The following CHST3 variants were observed in gnomAD, a reference collection of about 807,000 sequenced individuals.
CHST3 encodes the protein C6ST-1.
A neutral mutation model predicts 35.4 loss-of-function variants in CHST3; 20 were observed. The observed-to-expected ratio is 0.57, with a 90% confidence interval of 0.40 to 0.82. The LOEUF is 0.82. Among genes scored for constraint, CHST3 ranks in the 40% least tolerant of loss-of-function variants. CHST3 has a pLI of 0.00. For missense variants in CHST3, 693 were observed against 670.1 expected, an observed-to-expected ratio of 1.03 and a Z score of -0.38; for synonymous variants, 334 against 295.9, an observed-to-expected ratio of 1.13 and a Z score of -1.32.
chr10:71,986,084 A>G (rs1839844824), intron 1 of CHST3, among the ~76,000 whole-genome samples: 1 of 152,240 alleles, frequency 6.6e-6, no homozygotes, highest in South Asian at 2.1e-4. Flanking sequence ...TAGGTAAAAC[A>G]AGGGACACAG....
intron 1 of CHST3, among the ~76,000 whole-genome samples, chr10:71,984,270 G>A (rs1292639335): frequency 2.6e-5 from 4 of 152,292 alleles, no homozygotes; most frequent in Middle Eastern, 3.4e-3. Flanking sequence ...TGATCTGCCC[G>A]CCTCAGCCTC....
At chr10:72,001,108 G>A (rs1449469740) in intron 1 of CHST3, among the ~76,000 whole-genome samples, 2 of 152,178 alleles carry the variant, frequency 1.3e-5, no homozygotes, top group Admixed American at 1.3e-4. Flanking sequence ...ATCGTAGGTG[G>A]GATAGGAGTC....
intron 1 of CHST3, among the ~76,000 whole-genome samples, chr10:71,995,813 G>A (rs1839933440): frequency 6.6e-6 from 1 of 152,068 alleles, no homozygotes; most frequent in Non-Finnish European, 1.5e-5. Flanking sequence ...AACAATCACT[G>A]ATCACAGATC....
intron 1 of CHST3, among the ~76,000 whole-genome samples, chr10:71,967,468 C>T (rs1429551700): frequency 2.6e-5 from 4 of 152,170 alleles, no homozygotes; most frequent in African/African-American, 7.2e-5. Context: ...GGATAATAGC[C>T]GCTAACTCCA....
chr10:72,005,554 T>C (rs914107696), intron 1 of CHST3, among the ~76,000 whole-genome samples, 182 bp from the exon 2 acceptor site: 4 of 152,190 alleles, frequency 2.6e-5, no homozygotes, highest in African/African-American at 9.7e-5. Context: ...CGATGGTTCA[T>C]TAGCATTTTA....
chr10:71,996,433 C>A lies in CHST3; in HGVS notation c.-107-9303C>A, dbSNP rs924496965. ...TCTCTGTCTCTCTACCAACCCCCCC[C>A]CAACGTATGTGTCTCTGCGTGTGTG... On this transcript the variant is annotated intron_variant, in intron 1 of 2. Transcript: ENST00000373115. 3.4e-4 allele frequency among the ~76,000 whole-genome samples: 49 copies of A among 144,992 alleles called. No homozygotes were observed. The East Asian group carries it at 8.1e-3, about 24-fold the overall frequency.
In CHST3 at chr10:72,008,534, C is replaced by CTTTCTG; in HGVS notation, c.*64_*65insTTCTGT. ...CCTGCCCCGTCTTTCTGCCGCAGCC[C>CTTTCTG]TCGCAGAGGGCGGGTGCACAGCGCC... is the stretch of plus-strand genomic sequence containing the variant. On this transcript the variant is annotated 3_prime_UTR_variant, in exon 3 of 3. Coordinates refer to ENST00000373115, the MANE Select transcript of CHST3 (RefSeq NM_004273.5). 1.4e-6 allele frequency: 2 copies of CTTTCTG among 1,454,210 alleles called. No individual in the cohort carries two copies. Among genetic ancestry groups the CTTTCTG allele is most frequent in the Non-Finnish European group, 1.8e-6 (2 of 1,103,786 alleles). 90.1% of individuals were successfully genotyped at this position (1,454,210 alleles called of 1,614,324 possible).
At chr10:72,002,022 C>T (rs1839997581) in intron 1 of CHST3, among the ~76,000 whole-genome samples, 1 of 152,164 alleles carries the variant, frequency 6.6e-6, no homozygotes, top group African/African-American at 2.4e-5. Flanking sequence ...ATCCCCTTCC[C>T]TCATGGCCCT....
rs181976592 is a variant in CHST3, at chr10:71,981,475, G to A, written c.-108+16781G>A. Among the ~76,000 whole-genome samples the A allele has an allele frequency of 8.3e-4, 126 of 152,338 alleles. 1 individual carries two copies. Among genetic ancestry groups the A allele is most frequent in the Non-Finnish European group, 1.6e-3 (110 of 68,030 alleles). ...AGAGCACTTCTGTTCCAGTAACAAT[G>A]GCCCGTTGATGACTAGATTCTGCCC... is the stretch of plus-strand genomic sequence containing the variant. On this transcript the variant is annotated intron_variant, in intron 1 of 2. Coordinates refer to ENST00000373115, the MANE Select transcript of CHST3 (RefSeq NM_004273.5).
At chr10:71,988,540 G>A (rs1025951400) in intron 1 of CHST3, among the ~76,000 whole-genome samples, 1 of 152,150 alleles carries the variant, frequency 6.6e-6, no homozygotes, top group Non-Finnish European at 1.5e-5. Context: ...GCCATTTGAA[G>A]TGCCTGCTCC....
intron 1 of CHST3, among the ~76,000 whole-genome samples, chr10:71,972,291 C>T (rs1839703141): frequency 3.9e-5 from 6 of 152,178 alleles, no homozygotes. Flanking sequence ...CCCGTTGTGG[C>T]TGCACCGAGA....
intron 1 of CHST3, among the ~76,000 whole-genome samples, chr10:71,979,847 G>A (rs1288234871): frequency 2.0e-5 from 3 of 152,156 alleles, no homozygotes; most frequent in Non-Finnish European, 4.4e-5. Flanking sequence ...TATTTGGTCC[G>A]TATGCGTATA....
chr10:71,982,523 C>T (rs894700313), intron 1 of CHST3, among the ~76,000 whole-genome samples: 1 of 152,140 alleles, frequency 6.6e-6, no homozygotes, highest in African/African-American at 2.4e-5. Flanking sequence ...GAGGCTGCAA[C>T]GGGAGGATCT....
chr10:71,996,715 C>T (rs956189512), intron 1 of CHST3, among the ~76,000 whole-genome samples: 9 of 152,098 alleles, frequency 5.9e-5, no homozygotes, highest in Non-Finnish European at 1.3e-4. Context: ...CTCTTTAAGG[C>T]AGTGCATAAG....
intron 1 of CHST3, among the ~76,000 whole-genome samples, chr10:72,005,482 G>T: frequency 6.6e-6 from 1 of 152,212 alleles, no homozygotes; most frequent in Middle Eastern, 3.4e-3. Context: ...ATTCTTTTCC[G>T]TGCACAGGCC....
At chr10:71,990,537 A>G (rs1301452863) in intron 1 of CHST3, among the ~76,000 whole-genome samples, 1 of 151,956 alleles carries the variant, frequency 6.6e-6, no homozygotes, top group African/African-American at 2.4e-5. Context: ...CTAATTTTGT[A>G]TTTTTATTAG....
At chr10:71,966,376 G>T (rs1369583106) in intron 1 of CHST3, among the ~76,000 whole-genome samples, 1 of 152,170 alleles carries the variant, frequency 6.6e-6, no homozygotes, top group Non-Finnish European at 1.5e-5. Flanking sequence ...GCTTGCATGA[G>T]TTTCCCAGAG....
At chr10:71,986,554 G>A (rs1308644574) in intron 1 of CHST3, among the ~76,000 whole-genome samples, 1 of 152,196 alleles carries the variant, frequency 6.6e-6, no homozygotes, top group Non-Finnish European at 1.5e-5. Flanking sequence ...GGCCCGGGGT[G>A]GAAATTGACT....
chr10:72,003,811 C>T (rs765530593), intron 1 of CHST3, among the ~76,000 whole-genome samples: 25 of 151,890 alleles, frequency 1.6e-4, no homozygotes, highest in African/African-American at 3.1e-4. Context: ...CCAGCTACTC[C>T]GGAGGCTGAG....
Sources: allele counts gnomAD v4.1 joint callset (sites outside exome capture counted in the v4.1 genomes callset), GRCh38; gene constraint gnomAD v4.1.1; transcripts MANE v1.5; gene names NCBI Gene and HGNC (gene_info 2026-07-23, HGNC 2026-07-21).